The following TBC1D19 variants were observed in gnomAD, a reference collection of about 807,000 sequenced individuals.
TBC1D19 encodes the protein TBC1 domain family member 19, also known as TBC1 domain family, member 19.
Under a neutral mutation model 89.0 loss-of-function variants are expected in TBC1D19, and 60 were observed. That is an observed-to-expected ratio of 0.67 (90% CI 0.55 to 0.84). TBC1D19 has a LOEUF of 0.84. Ranked by LOEUF, TBC1D19 falls within the 40% of genes least tolerant of loss-of-function variation. TBC1D19 has a pLI of 0.00. For synonymous variants in TBC1D19, 189 were observed against 199.7 expected (o/e 0.95, Z 0.45); for missense variants, 500 against 610.8 (o/e 0.82, Z 1.91).
intron 10 of TBC1D19, among the ~76,000 whole-genome samples, chr4:26,672,446 C>T (rs562778004): frequency 6.6e-6 from 1 of 152,048 alleles, no homozygotes; most frequent in Non-Finnish European, 1.5e-5. Flanking sequence ...ACATATTCCT[C>T]AGGGATGTTA....
intron 1 of TBC1D19, among the ~76,000 whole-genome samples, chr4:26,586,818 C>T (rs1019950583): frequency 6.6e-6 from 1 of 152,142 alleles, no homozygotes; most frequent in Non-Finnish European, 1.5e-5. Flanking sequence ...TGAGAACTTG[C>T]TAAACTTATA....
the TBC1D19 span, among the ~76,000 whole-genome samples, chr4:26,819,037 A>G: frequency 6.6e-6 from 1 of 152,212 alleles, no homozygotes; most frequent in Admixed American, 6.5e-5. Context: ...TCCCCAAAGA[A>G]GTGGATGCCA....
intron 15 of TBC1D19, among the ~76,000 whole-genome samples, chr4:26,726,325 C>A (rs1412940210): frequency 1.3e-5 from 2 of 152,236 alleles, no homozygotes; most frequent in South Asian, 2.1e-4. Flanking sequence ...CAAAGTACAT[C>A]ATTTTAAATC....
chr4:26,665,740 A>G (rs1711747816), intron 8 of TBC1D19, among the ~76,000 whole-genome samples: 1 of 152,034 alleles, frequency 6.6e-6, no homozygotes, highest in Admixed American at 6.6e-5. Context: ...TTTAGAAGAT[A>G]AAATTGGTAA....
At chr4:26,761,926 A>G in the TBC1D19 span, among the ~76,000 whole-genome samples, 2 of 152,174 alleles carry the variant, frequency 1.3e-5, no homozygotes, top group Admixed American at 1.3e-4. Context: ...CAGGAGTTTG[A>G]GACCAGTCTG....
the TBC1D19 span, among the ~76,000 whole-genome samples, chr4:26,810,327 G>A: frequency 1.3e-5 from 2 of 152,170 alleles, no homozygotes; most frequent in East Asian, 1.9e-4. Context: ...AATCGCTTCT[G>A]TGGGAACTCA....
At chr4:26,747,284 A>C (rs576701092) in intron 18 of TBC1D19, among the ~76,000 whole-genome samples, 26 of 152,322 alleles carry the variant, frequency 1.7e-4, no homozygotes, top group Admixed American at 1.2e-3. Flanking sequence ...AAGCAAGCTG[A>C]AGTTAATAAT....
chr4:26,643,913 GA>G (rs1355603513), intron 7 of TBC1D19, among the ~76,000 whole-genome samples: 8 of 152,178 alleles, frequency 5.3e-5, no homozygotes, highest in Non-Finnish European at 1.0e-4. Context: ...AACAGGCTCT[GA>G]AATTGAGGCA....
At chr4:26,690,952 G>A (rs1419463663) in intron 13 of TBC1D19, among the ~76,000 whole-genome samples, 1 of 152,156 alleles carries the variant, frequency 6.6e-6, no homozygotes, top group Non-Finnish European at 1.5e-5. Context: ...TAAATTGAAA[G>A]CTTCTGGAAA....
At chr4:26,696,030 G>A (rs771319712) in intron 13 of TBC1D19, among the ~76,000 whole-genome samples, 20 of 152,250 alleles carry the variant, frequency 1.3e-4, no homozygotes, top group Admixed American at 4.6e-4. Flanking sequence ...AATGTCAATG[G>A]GCTAAATGCT....
chr4:26,638,855 G>A, intron 6 of TBC1D19, 21 bp downstream of exon 6: 1 of 1,564,630 alleles, frequency 6.4e-7, no homozygotes, highest in Non-Finnish European at 8.7e-7. Flanking sequence ...AATTTTTTCT[G>A]AATGTAGTAG....
At chr4:26,702,988 T>C (rs1335616260) in intron 13 of TBC1D19, among the ~76,000 whole-genome samples, 1 of 152,252 alleles carries the variant, frequency 6.6e-6, no homozygotes, top group African/African-American at 2.4e-5. Flanking sequence ...TTTCATTTCA[T>C]ATAATGTCCT....
At chr4:26,772,384 C>A in the TBC1D19 span, among the ~76,000 whole-genome samples, 1 of 152,128 alleles carries the variant, frequency 6.6e-6, no homozygotes, top group Non-Finnish European at 1.5e-5. Context: ...CATGCTCTTA[C>A]ACATGCCTGC....
At chr4:26,578,397 G>A (rs1008151479) in intron 1 of TBC1D19, among the ~76,000 whole-genome samples, 5 of 152,094 alleles carry the variant, frequency 3.3e-5, no homozygotes, top group Admixed American at 6.5e-5. Context: ...TATTGCAGCC[G>A]TCCTATTCTC....
intron 11 of TBC1D19, among the ~76,000 whole-genome samples, chr4:26,675,995 C>G (rs774885322): frequency 6.6e-6 from 1 of 152,070 alleles, no homozygotes; most frequent in Non-Finnish European, 1.5e-5. Flanking sequence ...GTCAAAATAT[C>G]CATATTTAGT....
chr4:26,816,677 A>C, the TBC1D19 span, among the ~76,000 whole-genome samples: 1 of 152,052 alleles, frequency 6.6e-6, no homozygotes, highest in Non-Finnish European at 1.5e-5. Context: ...CAAACCCAGG[A>C]TGAGGGGCAT....
At chr4:26,842,583 C>CCTTCCTTCCTTCCTTTCTTTCTTTCTTT in the TBC1D19 span, among the ~76,000 whole-genome samples, 1 of 70,610 alleles carries the variant, frequency 1.4e-5, no homozygotes. Context: ...TTCCTCCCTC[C>CCTTCCTTCCTTCCTTTCTTTCTTTCTTT]CTTTCTTTCT....
At chr4:26,675,192 T>C (rs1309164685) in intron 11 of TBC1D19, among the ~76,000 whole-genome samples, 1 of 152,082 alleles carries the variant, frequency 6.6e-6, no homozygotes, top group East Asian at 1.9e-4. Context: ...GTAGATGCAC[T>C]GCCAACTTAA....
At chr4:26,674,051 C>T (rs752030573) in intron 11 of TBC1D19, among the ~76,000 whole-genome samples, 163 bp downstream of exon 11, 1 of 152,070 alleles carries the variant, frequency 6.6e-6, no homozygotes, top group Non-Finnish European at 1.5e-5. Context: ...TAAGATTTAA[C>T]ATATAATTTA....
Sources: gnomAD v4.1 joint callset for allele counts (sites outside exome capture counted in the v4.1 genomes callset) on GRCh38, gnomAD v4.1.1 for gene constraint, MANE v1.5 for transcripts, NCBI Gene and HGNC (gene_info 2026-07-23, HGNC 2026-07-21) for gene names.